The following MROH2A variants were observed in gnomAD, a reference collection of about 807,000 sequenced individuals.
MROH2A encodes the protein maestro heat-like repeat-containing protein family member 2A.
In MROH2A, 174 loss-of-function variants were observed where a neutral mutation model predicts 200.4. The observed-to-expected ratio is 0.87, with a 90% CI of 0.77 to 0.98. MROH2A has a LOEUF of 0.98. MROH2A is among the 50% of genes least tolerant of loss of function. The probability of loss-of-function intolerance (pLI) is 0.00; values close to 1 mark genes in which losing one functional copy is unlikely to be tolerated. For missense variants in MROH2A, 2,045 were observed against 2,139.6 expected, an observed-to-expected ratio of 0.96 and a Z score of 0.87; for synonymous variants, 829 against 840.4, an observed-to-expected ratio of 0.99 and a Z score of 0.23.
rs1286025940 is a variant in MROH2A at position 233,787,596 on chromosome 2, T to TATATATCATATATAATATATATTA, written c.277-1901_277-1900insATATATCATATATAATATATATTA. Reference sequence around the variant, plus strand: ...TATATATCATATATACATATATATATTATATATTATATATATCATATATAC... The same window carrying TATATATCATATATAATATATATTA: ...TATATATCATATATACATATATATATATATATCATATATAATATATATTATATATATTATATATATCATATATAC... On this transcript the variant is annotated intron_variant, in intron 3 of 41. Transcript: ENST00000389758. Among the ~76,000 whole-genome samples, 23 of 32,854 alleles carry TATATATCATATATAATATATATTA rather than the reference T, an allele frequency of 7.0e-4. 1 individual carries two copies. Among genetic ancestry groups the TATATATCATATATAATATATATTA allele is most frequent in the Admixed American group, 1.0e-3 (2 of 1,924 alleles). The allele number at this position is 32,854 out of a possible 152,430, so 21.6% of individuals were successfully genotyped here.
At chr2:233,818,223 C>A in intron 28 of MROH2A, 98 bp downstream of exon 28, 1 of 1,430,612 alleles carries the variant, frequency 7.0e-7, no homozygotes, top group Non-Finnish European at 9.4e-7. Flanking sequence ...GGAAGGATGG[C>A]CTCTGTGCAG....
At chr2:233,808,799 G>A (rs1411721182) in intron 21 of MROH2A, among the ~76,000 whole-genome samples, 1 of 152,184 alleles carries the variant, frequency 6.6e-6, no homozygotes, top group East Asian at 1.9e-4. Flanking sequence ...AAGGTATGAG[G>A]TGTGCAAGCA....
chr2:233,819,084 G>A (rs62192268), intron 29 of MROH2A, among the ~76,000 whole-genome samples: 27 of 152,372 alleles, frequency 1.8e-4, no homozygotes, highest in Admixed American at 7.2e-4. Flanking sequence ...GTGTGGGCAC[G>A]TGGGCAGGCT....
At chr2:233,803,607 G>T in intron 16 of MROH2A, 119 bp downstream of exon 16, 1 of 1,052,322 alleles carries the variant, frequency 9.5e-7, no homozygotes. Flanking sequence ...TGCAATGAGG[G>T]AGTTTGATGC....
chr2:233,787,511 TATATACATATATATTAC>T (rs1701275891), intron 3 of MROH2A, among the ~76,000 whole-genome samples: 2 of 125,436 alleles, frequency 1.6e-5, no homozygotes, highest in African/African-American at 3.1e-5. Context: ...ATATATATTA[TATATACATATATATTAC>T]ATATATCATA....
chr2:233,819,260 TGTCAGCA>T, intron 29 of MROH2A, 50 bp from the exon 30 acceptor site: 28 of 1,491,872 alleles, frequency 1.9e-5, no homozygotes, highest in Non-Finnish European at 2.5e-5. Flanking sequence ...GAGGAGAGAG[TGTCAGCA>T]GTCATGGAGT....
Position 233,832,069 on chromosome 2 carries a change from C to T in MROH2A, c.4735-108C>T, listed in dbSNP as rs140536418. ...ACCTGCTGTGTGACGCTGGGATGGG[C>T]GCTTGCCCTCTCTGATGCATCTTGG... On this transcript the variant is annotated intron_variant, in intron 39 of 41. Transcript: ENST00000389758. The T allele has an allele frequency of 9.4e-4, 815 of 865,576 alleles. 13 individuals carry two copies. In the East Asian group the frequency reaches 0.018, roughly 20 times the overall value. 53.6% of individuals were successfully genotyped at this position (865,576 alleles called of 1,614,324 possible). A position where few individuals can be genotyped will look rare whatever the true frequency, so the allele number is the denominator to read the frequency against.
intron 8 of MROH2A, 170 bp from the exon 9 acceptor site, chr2:233,795,483 C>A (rs1702044752): frequency 9.6e-7 from 1 of 1,043,916 alleles, no homozygotes; most frequent in African/African-American, 1.6e-5. Context: ...GGGTGAAATG[C>A]AGGCTTGGAT....
rs1424277134 is a variant in MROH2A at position 233,833,179 on chromosome 2, A to G, written c.4945A>G (p.Arg1649Gly). 2.6e-6 allele frequency: 4 copies of G among 1,549,934 alleles called. No individual in the cohort carries two copies. In the Admixed American group the frequency reaches 5.9e-5, roughly 23 times the overall value. The change falls in exon 42 of 42, where the codon AGG becomes GGG. Residue 1649 changes from arginine (R) to glycine (G), a missense_variant. Transcript: ENST00000389758. ...LQLDPDPGVR[R>G]AALETLTVLD... ...GCTGGACCCGGATCCCGGGGTCAGGAGGGCAGCCCTGGAGACGCTCACAGT... is the reference window on the plus strand; with the variant it reads ...GCTGGACCCGGATCCCGGGGTCAGGGGGGCAGCCCTGGAGACGCTCACAGT...
In MROH2A at chr2:233,822,158, A is replaced by G; in HGVS notation, c.3547A>G (p.Asn1183Asp). 2 of 1,550,118 alleles carry G rather than the reference A, an allele frequency of 1.3e-6. No homozygotes were observed. The highest frequency in any genetic ancestry group is 8.7e-7 in the Non-Finnish European group (1 of 1,146,944). Residue 1183 changes from asparagine (N) to aspartate (D), a missense_variant, in exon 32 of 42, where the codon AAC becomes GAC. By Grantham distance (23) the Asn-to-Asp change is conservative. Around this residue, in one of 3 missense-constraint regions of MROH2A, gnomAD observed 1,201 missense variants for 1,311.3 expected, o/e 0.92. Coordinates refer to ENST00000389758, the MANE Select transcript of MROH2A (RefSeq NM_001394639.1). ...LAEVWLAVSE[N>D]VPFARTMLHS... Reference sequence around the variant, plus strand: ...AGAGGTGTGGCTGGCAGTGTCGGAGAACGTGCCCTTCGCCCGGACCATGCT... The same window carrying G: ...AGAGGTGTGGCTGGCAGTGTCGGAGGACGTGCCCTTCGCCCGGACCATGCT...
At chr2:233,829,887 G>A in intron 38 of MROH2A, 112 bp downstream of exon 38, 1 of 1,061,264 alleles carries the variant, frequency 9.4e-7, no homozygotes, top group African/African-American at 1.7e-5. Context: ...TGCCTCAGTT[G>A]GTTTTCTCTG....
intron 38 of MROH2A, among the ~76,000 whole-genome samples, chr2:233,830,028 G>T (rs1252270339): frequency 6.6e-6 from 1 of 152,264 alleles, no homozygotes; most frequent in African/African-American, 2.4e-5. Flanking sequence ...GGGACATGGT[G>T]TGGTGGCTGC....
At chr2:233,823,894 A>T (rs1704132290) in intron 35 of MROH2A, among the ~76,000 whole-genome samples, 1 of 152,050 alleles carries the variant, frequency 6.6e-6, no homozygotes, top group Non-Finnish European at 1.5e-5. Context: ...CAGTTAACTG[A>T]TGTGTGACCC....
chr2:233,786,081 G>A (rs7581102), intron 3 of MROH2A, among the ~76,000 whole-genome samples: 40,840 of 151,900 alleles, frequency 0.27, 5,815 homozygotes, highest in South Asian at 0.36. Context: ...AGTCTCACGA[G>A]ATCTGATGGT....
intron 8 of MROH2A, among the ~76,000 whole-genome samples, chr2:233,794,996 C>A (rs543160438): frequency 2.6e-5 from 4 of 152,156 alleles, no homozygotes; most frequent in Non-Finnish European, 5.9e-5. Flanking sequence ...TTCCTCATTG[C>A]GTGGCCTTTC....
Position 233,822,868 on chromosome 2 carries a change from C to A in MROH2A, c.3867-13C>A. 1 of 1,550,070 alleles carries A rather than the reference C, an allele frequency of 6.5e-7. No homozygotes were observed. The highest frequency in any genetic ancestry group is 8.7e-7 in the Non-Finnish European group (1 of 1,146,646). Reference sequence around the variant, plus strand: ...AGCAGGGCAGCGCATCACAAGCTCCCACCTCCCTTCAGGGTCACTATCAAG... The same window carrying A: ...AGCAGGGCAGCGCATCACAAGCTCCAACCTCCCTTCAGGGTCACTATCAAG... On this transcript the variant is annotated splice_polypyrimidine_tract_variant and intron_variant, in intron 33 of 41. Coordinates refer to ENST00000389758, the MANE Select transcript of MROH2A (RefSeq NM_001394639.1).
At chr2:233,814,835 G>T (rs17868358) in intron 26 of MROH2A, among the ~76,000 whole-genome samples, 158 bp downstream of exon 26, 1,877 of 152,326 alleles carry the variant, frequency 0.012, 10 homozygotes, top group Non-Finnish European at 0.02. Context: ...TGCAAGGATA[G>T]TGCAAAGATA....
rs1414168423 is a variant in MROH2A, at chr2:233,779,353, G to C, written c.-6G>C. On this transcript the variant is annotated 5_prime_UTR_variant, in exon 2 of 42. Coordinates refer to ENST00000389758, the MANE Select transcript of MROH2A (RefSeq NM_001394639.1). ...TCTGTTGATCTCAAAAGAGCTTGAG[G>C]AAGAGATGACTGAAGCCATTACAGA... 6.5e-7 allele frequency: 1 copy of C among 1,544,148 alleles called. No individual in the cohort carries two copies. The highest frequency in any genetic ancestry group is 2.4e-5 in the East Asian group (1 of 40,898).
At position 233,831,410 on chromosome 2, in the gene MROH2A, C is replaced by A. The variant is rs1704740496; in HGVS notation, c.4604C>A (p.Ala1535Asp). Residue 1535 changes from alanine to aspartate, a missense_variant and splice_region_variant, in exon 39 of 42, where the codon GCC (alanine) becomes GAC (aspartate). Ala to Asp is a moderately radical substitution (Grantham distance 126). This residue lies in a region of MROH2A where 1,201 missense variants were observed against 1,311.3 expected (regional missense o/e 0.92). Coordinates refer to ENST00000389758, the MANE Select transcript of MROH2A (RefSeq NM_001394639.1). ...TGCTGCCGTCCTGTGTCCCTGCAGG[C>A]CTGTATGGCTACCATGTTTCAGTGT... ...SQDPCSNAAQ[A>D]CMATMFQCVH... 6.5e-7 allele frequency: 1 copy of A among 1,548,918 alleles called. No homozygotes were observed. The highest frequency in any genetic ancestry group is 8.7e-7 in the Non-Finnish European group (1 of 1,146,216).
Sources: allele counts gnomAD v4.1 joint callset (sites outside exome capture counted in the v4.1 genomes callset), GRCh38; gene constraint gnomAD v4.1.1; regional missense constraint gnomAD v4.1.1; transcripts MANE v1.5; gene names NCBI Gene and HGNC (gene_info 2026-07-23, HGNC 2026-07-21).